Variants in NBEA observed in about 807,000 individuals in gnomAD.
The protein encoded by NBEA is lysosomal-trafficking regulator 2.
A neutral mutation model predicts 343.4 loss-of-function variants in NBEA; 44 were observed. That is an observed-to-expected ratio of 0.13 (90% CI 0.10 to 0.16). The LOEUF (loss-of-function observed/expected upper bound fraction) is 0.16, where lower values mean the gene tolerates loss of function less well. Ranked by LOEUF, NBEA falls within the 10% of genes least tolerant of loss-of-function variation. The probability of loss-of-function intolerance (pLI) is 1.00; values close to 1 mark genes in which losing one functional copy is unlikely to be tolerated. For missense variants in NBEA, 2,555 were observed against 3,631.3 expected (o/e 0.70, Z 7.62); for synonymous variants, 1,175 against 1,238.7 (o/e 0.95, Z 1.08).
intron 33 of NBEA, among the ~76,000 whole-genome samples, chr13:35,212,808 TG>T (rs1466792094): frequency 6.6e-6 from 1 of 152,074 alleles, no homozygotes; most frequent in Non-Finnish European, 1.5e-5. Context: ...TTAAATACAT[TG>T]GTCTTTTGTT....
At chr13:35,541,239 T>G (rs1006864679) in intron 41 of NBEA, among the ~76,000 whole-genome samples, 1 of 151,774 alleles carries the variant, frequency 6.6e-6, no homozygotes, top group Non-Finnish European at 1.5e-5. Flanking sequence ...TACATATGTG[T>G]TGTTCCTTCT....
At chr13:35,211,246 C>A in intron 33 of NBEA, 67 bp downstream of exon 33, 1 of 1,282,722 alleles carries the variant, frequency 7.8e-7, no homozygotes, top group Non-Finnish European at 1.1e-6. Context: ...CACAAAAATA[C>A]AAAAATATAG....
At chr13:35,348,753 T>C (rs1316697564) in intron 36 of NBEA, among the ~76,000 whole-genome samples, 2 of 152,040 alleles carry the variant, frequency 1.3e-5, no homozygotes, top group Non-Finnish European at 2.9e-5. Flanking sequence ...TTTCCTAAAG[T>C]GTGGTCATTG....
At chr13:35,308,568 A>ATATATATG (rs6144999) in intron 35 of NBEA, among the ~76,000 whole-genome samples, 52,925 of 87,090 alleles carry the variant, frequency 0.61, 16,115 homozygotes, top group East Asian at 0.7. Context: ...GTATATATGT[A>ATATATATG]TATATATGTA....
chr13:35,297,772 A>G (rs928690143), intron 35 of NBEA, among the ~76,000 whole-genome samples: 1 of 151,960 alleles, frequency 6.6e-6, no homozygotes, highest in African/African-American at 2.4e-5. Context: ...TGACATTTTG[A>G]GTTATTTTAT....
chr13:34,943,839 G>C (rs1178402478), intron 1 of NBEA, among the ~76,000 whole-genome samples: 2 of 152,232 alleles, frequency 1.3e-5, no homozygotes, highest in East Asian at 3.9e-4. Context: ...GTGGCATGTG[G>C]GTAAAGACTA....
chr13:35,450,057 A>G (rs551435722), intron 39 of NBEA, among the ~76,000 whole-genome samples: 2 of 152,246 alleles, frequency 1.3e-5, no homozygotes, highest in Admixed American at 6.5e-5. Flanking sequence ...ATTTTTTCAT[A>G]TTTTAGCAAA....
intron 17 of NBEA, among the ~76,000 whole-genome samples, chr13:35,140,616 T>TG (rs2068032528): frequency 1.3e-5 from 2 of 152,170 alleles, no homozygotes; most frequent in African/African-American, 4.8e-5. Context: ...GTCATTTTGC[T>TG]TTTTCCTTCC....
intron 47 of NBEA, among the ~76,000 whole-genome samples, chr13:35,604,806 G>T (rs1566396292): frequency 1.3e-5 from 2 of 151,948 alleles, no homozygotes; most frequent in East Asian, 1.9e-4. Context: ...CCCTGAGGGT[G>T]CCCGGCCCCC....
At chr13:35,166,734 T>C (rs2070066469) in intron 24 of NBEA, among the ~76,000 whole-genome samples, 1 of 152,124 alleles carries the variant, frequency 6.6e-6, no homozygotes, top group Non-Finnish European at 1.5e-5. Flanking sequence ...GTTGTTTTTG[T>C]ATTACTGGGT....
chr13:35,606,495 A>G lies in NBEA; in HGVS notation c.7366A>G (p.Arg2456Gly). The G allele has an allele frequency of 6.2e-7, 1 of 1,604,544 alleles. No individual in the cohort carries two copies. Among genetic ancestry groups the G allele is most frequent in the South Asian group, 1.1e-5 (1 of 89,454 alleles). ...VNSNGYNLGV[R>G]EDEVVVNDVD... ...CAGTAATGGATATAATCTTGGAGTCAGAGAAGATGAAGTAGTGGTAAATGA... is the reference window on the plus strand; with the variant it reads ...CAGTAATGGATATAATCTTGGAGTCGGAGAAGATGAAGTAGTGGTAAATGA... Residue 2456 changes from arginine (R) to glycine (G), a missense_variant, in exon 48 of 59, where the codon AGA (arginine) becomes GGA (glycine). By Grantham distance (125) the Arg-to-Gly change is moderately radical. Around this residue, in one of 21 missense-constraint regions of NBEA, gnomAD observed 156 missense variants for 185.8 expected, o/e 0.84. Coordinates refer to ENST00000379939, the MANE Select transcript of NBEA (RefSeq NM_001385012.1).
intron 43 of NBEA, among the ~76,000 whole-genome samples, chr13:35,552,580 T>C (rs1316958385): frequency 2.0e-5 from 3 of 152,206 alleles, no homozygotes; most frequent in African/African-American, 7.2e-5. Context: ...AGTGCTTACA[T>C]ACTATTTGTT....
intron 38 of NBEA, among the ~76,000 whole-genome samples, chr13:35,404,292 A>G (rs1405837405): frequency 7.2e-5 from 11 of 152,032 alleles, no homozygotes; most frequent in Non-Finnish European, 1.2e-4. Context: ...TGCTATAAAG[A>G]CACATGCACA....
At chr13:35,521,460 C>T (rs745707626) in intron 41 of NBEA, among the ~76,000 whole-genome samples, 7 of 152,158 alleles carry the variant, frequency 4.6e-5, no homozygotes, top group Admixed American at 1.3e-4. Context: ...AGGAGTAGCT[C>T]ATGAAATCCC....
At position 35,459,018 on chromosome 13, in the gene NBEA, C is replaced by CA. The variant is rs1555270541; in HGVS notation, c.6448+6784dup. ...TTCTTTACCACCGCCCCCCCCCCCCCACACACACACACACACACACTTACC... is the reference window on the plus strand; with the variant it reads ...TTCTTTACCACCGCCCCCCCCCCCCCAACACACACACACACACACACTTACC... On this transcript the variant is annotated intron_variant, in intron 40 of 58. Coordinates refer to ENST00000379939, the MANE Select transcript of NBEA (RefSeq NM_001385012.1). Among the ~76,000 whole-genome samples the CA allele has an allele frequency of 2.3e-3, 209 of 90,146 alleles. 3 individuals are homozygous for CA. Among genetic ancestry groups the CA allele is most frequent in the South Asian group, 0.013 (33 of 2,532 alleles). The allele number at this position is 90,146 out of a possible 152,430, so 59.1% of individuals were successfully genotyped here.
intron 52 of NBEA, 31 bp from the exon 53 acceptor site, chr13:35,651,774 G>A (rs1188603998): frequency 1.5e-6 from 2 of 1,330,918 alleles, no homozygotes; most frequent in Non-Finnish European, 2.1e-6. Flanking sequence ...AGAATTTTAT[G>A]TTAGTTTTTC....
At chr13:35,029,633 A>G (rs1198286090) in intron 1 of NBEA, among the ~76,000 whole-genome samples, 2 of 151,704 alleles carry the variant, frequency 1.3e-5, no homozygotes, top group African/African-American at 4.8e-5. Context: ...AATAATGAAC[A>G]TTGAATTATT....
intron 34 of NBEA, among the ~76,000 whole-genome samples, chr13:35,239,709 T>A (rs1272368655): frequency 6.6e-6 from 1 of 152,032 alleles, no homozygotes; most frequent in Non-Finnish European, 1.5e-5. Flanking sequence ...ATATGTATAC[T>A]ATACTAGTAG....
At chr13:35,340,860 A>G in intron 36 of NBEA, among the ~76,000 whole-genome samples, 1 of 150,362 alleles carries the variant, frequency 6.7e-6, no homozygotes, top group East Asian at 2.0e-4. Flanking sequence ...GCACTCTATC[A>G]AAATTTTAGC....
Sources: allele counts gnomAD v4.1 joint callset (sites outside exome capture counted in the v4.1 genomes callset), GRCh38; gene constraint gnomAD v4.1.1; regional missense constraint gnomAD v4.1.1; transcripts MANE v1.5; gene names NCBI Gene and HGNC (gene_info 2026-07-23, HGNC 2026-07-21).